ZNF141: variants seen among roughly 807,000 people sequenced by gnomAD.
The protein encoded by ZNF141 is zinc finger protein 141 (clone pHZ-44).
ZNF141 carries 7 observed loss-of-function variants against 11.3 expected under a neutral mutation model. That is an observed-to-expected ratio of 0.62 (90% CI 0.35 to 1.16). ZNF141 has a LOEUF of 1.16. Among genes scored for constraint, ZNF141 ranks in the 50% most tolerant of loss-of-function variants. ZNF141 has a pLI of 0.02. For missense variants in ZNF141, 535 were observed against 554.0 expected (o/e 0.97, Z 0.34); for synonymous variants, 183 against 190.7 (o/e 0.96, Z 0.33).
At chr4:351,136 C>T (rs1553850384) in intron 3 of ZNF141, among the ~76,000 whole-genome samples, 1 of 152,054 alleles carries the variant, frequency 6.6e-6, no homozygotes, top group African/African-American at 2.4e-5. Flanking sequence ...ACTCACTCTC[C>T]CTTTGCTTTG....
intron 1 of ZNF141, among the ~76,000 whole-genome samples, chr4:339,760 GA>G (rs1282781053): frequency 6.6e-6 from 1 of 152,116 alleles, no homozygotes; most frequent in Non-Finnish European, 1.5e-5. Flanking sequence ...CTATTGCTTT[GA>G]AATGTGCATA....
Position 383,816 on chromosome 4 carries a change from C to G in ZNF141, c.*9954C>G, listed in dbSNP as rs1052224. 6.6e-6 allele frequency: 1 copy of G among 152,306 alleles called. No homozygotes were observed. Among genetic ancestry groups the G allele is most frequent in the Non-Finnish European group, 1.5e-5 (1 of 68,126 alleles). The allele number at this position is 152,306 out of a possible 1,614,324, so 9.4% of individuals were successfully genotyped here. On this transcript the variant is annotated 3_prime_UTR_variant, in exon 4 of 4. Transcript: ENST00000240499. The stretch of plus-strand genomic sequence containing the variant: ...CCTCAACCTTTGATTAGCCAAGGAC[C>G]AAATCCTTCATTCAGATAAGGGGTA...
intron 3 of ZNF141, among the ~76,000 whole-genome samples, chr4:360,457 A>G (rs1465975732): frequency 3.3e-5 from 5 of 152,242 alleles, no homozygotes; most frequent in African/African-American, 9.6e-5. Flanking sequence ...CCAGCTCTTC[A>G]TAAGTCACAG....
chr4:345,127 A>G (rs1440795879), intron 3 of ZNF141, among the ~76,000 whole-genome samples: 1 of 152,148 alleles, frequency 6.6e-6, no homozygotes, highest in Non-Finnish European at 1.5e-5. Context: ...AAAATGTGTA[A>G]CGTGAGTAGT....
At chr4:354,404 T>G (rs1336984751) in intron 3 of ZNF141, among the ~76,000 whole-genome samples, 1 of 152,216 alleles carries the variant, frequency 6.6e-6, no homozygotes, top group Non-Finnish European at 1.5e-5. Flanking sequence ...TTATTGTAAA[T>G]GTAAATGCAA....
chr4:338,194 C>T lies in ZNF141; in HGVS notation c.3+208C>T, dbSNP rs932509540. 4 of 552,462 alleles carry T rather than the reference C, an allele frequency of 7.2e-6. No individual in the cohort carries two copies. The East Asian group carries it at 1.1e-4, about 15-fold the overall frequency. The allele number at this position is 552,462 out of a possible 1,614,324, so 34.2% of individuals were successfully genotyped here. On this transcript the variant is annotated intron_variant, in intron 1 of 3. Coordinates refer to ENST00000240499, the MANE Select transcript of ZNF141 (RefSeq NM_003441.4). ...CTGCAGCCCTCCTTGTGCAGCTCTG[C>T]GCCCGCAGCCCCGCACCTTCCCCAG...
intron 3 of ZNF141, among the ~76,000 whole-genome samples, chr4:346,204 C>T (rs1424797347): frequency 2.6e-5 from 4 of 152,050 alleles, no homozygotes; most frequent in Non-Finnish European, 4.4e-5. Context: ...TAAAAGATAA[C>T]GAGTTATGTT....
At chr4:354,468 C>A (rs570484509) in intron 3 of ZNF141, among the ~76,000 whole-genome samples, 1 of 152,282 alleles carries the variant, frequency 6.6e-6, no homozygotes, top group South Asian at 2.1e-4. Flanking sequence ...TATTTACTCT[C>A]CTCCCTTTTC....
chr4:383,536 G>A lies in ZNF141; in HGVS notation c.*9674G>A, dbSNP rs1712757144. The A allele has an allele frequency of 2.2e-5, 4 of 182,730 alleles. 1 individual carries two copies. In the South Asian group the frequency reaches 7.7e-4, roughly 35 times the overall value. 11.3% of individuals were successfully genotyped at this position (182,730 alleles called of 1,614,324 possible). A position where few individuals can be genotyped will look rare whatever the true frequency, so the allele number is the denominator to read the frequency against. On this transcript the variant is annotated 3_prime_UTR_variant, in exon 4 of 4. Transcript: ENST00000240499. ...AGGGTTTGGAGGCAGGGAACTTAAG[G>A]CCAATTCGTGCTGACTTCCTACAAG...
chr4:341,406 C>T (rs1419612850), intron 1 of ZNF141, among the ~76,000 whole-genome samples: 1 of 152,092 alleles, frequency 6.6e-6, no homozygotes, highest in Non-Finnish European at 1.5e-5. Flanking sequence ...TATTCATTGA[C>T]AGAAGAGAAG....
In ZNF141 at chr4:372,706, G is replaced by A; in HGVS notation, c.269G>A (p.Gly90Asp). The A allele has an allele frequency of 6.2e-7, 1 of 1,603,970 alleles. No individual in the cohort carries two copies. Among genetic ancestry groups the A allele is most frequent in the Non-Finnish European group, 8.5e-7 (1 of 1,174,294 alleles). The stretch of plus-strand genomic sequence containing the variant: ...ACCCAAGACCATTGGCCAGTGCAGG[G>A]CATAGAAGATTCATTCCACAAACTT... The part of the protein sequence containing the change: ...HFTQDHWPVQ[G>D]IEDSFHKLIL... Residue 90 changes from glycine to aspartate, a missense_variant, in exon 4 of 4, where the codon GGC becomes GAC. Coordinates refer to ENST00000240499, the MANE Select transcript of ZNF141 (RefSeq NM_003441.4).
chr4:361,310 A>G (rs564110918), intron 3 of ZNF141, among the ~76,000 whole-genome samples: 278 of 117,926 alleles, frequency 2.4e-3, no homozygotes, highest in Non-Finnish European at 3.1e-3. Context: ...TAATTATATA[A>G]TGTCTCTTTT....
chr4:362,776 T>G lies in ZNF141; in HGVS notation c.227-9888T>G, dbSNP rs373178113. Among the ~76,000 whole-genome samples, 8 of 152,356 alleles carry G rather than the reference T, an allele frequency of 5.3e-5. No homozygotes were observed. The East Asian group carries it at 1.4e-3, about 26-fold the overall frequency. On this transcript the variant is annotated intron_variant, in intron 3 of 3. Coordinates refer to ENST00000240499, the MANE Select transcript of ZNF141 (RefSeq NM_003441.4). ...ACCAGTACCATGCTGTTTTGGTTACTGTAGCCTTGTAGCATGATTTGAAGT... is the reference window on the plus strand; with the variant it reads ...ACCAGTACCATGCTGTTTTGGTTACGGTAGCCTTGTAGCATGATTTGAAGT...
rs186776793 is a variant in ZNF141 at position 364,311 on chromosome 4, C to T, written c.227-8353C>T. 5.8e-3 allele frequency among the ~76,000 whole-genome samples: 890 copies of T among 152,246 alleles called. 11 individuals carry two copies. Among genetic ancestry groups the T allele is most frequent in the African/African-American group, 0.019 (805 of 41,532 alleles). Reference sequence around the variant, plus strand: ...CTCTGGTAGAATTCGGCTGTGAATTCATCTGGTCCTGGACTTTTTTTGGTT... The same window carrying T: ...CTCTGGTAGAATTCGGCTGTGAATTTATCTGGTCCTGGACTTTTTTTGGTT... On this transcript the variant is annotated intron_variant, in intron 3 of 3. Transcript: ENST00000240499.
At position 375,216 on chromosome 4, in the gene ZNF141, G is replaced by T. The variant is rs782704864; in HGVS notation, c.*1354G>T. ...CTGTTGAAAGACTTCAGAAAATATA[G>T]GCCTTTAAAGTGAAGAAGAGTATTC... On this transcript the variant is annotated 3_prime_UTR_variant, in exon 4 of 4. Transcript: ENST00000240499. 8.6e-5 allele frequency: 13 copies of T among 151,936 alleles called. No individual in the cohort carries two copies. The highest frequency in any genetic ancestry group is 1.5e-4 in the Non-Finnish European group (10 of 67,948). 9.4% of individuals were successfully genotyped at this position (151,936 alleles called of 1,614,324 possible).
chr4:344,391 T>C lies in ZNF141; in HGVS notation c.187T>C (p.Tyr63His). The C allele has an allele frequency of 6.2e-7, 1 of 1,608,326 alleles. No individual in the cohort carries two copies. Among genetic ancestry groups the C allele is most frequent in the Non-Finnish European group, 8.5e-7 (1 of 1,175,938 alleles). Residue 63 changes from tyrosine (Y) to histidine (H), a missense_variant, in exon 3 of 4, where the codon TAC (tyrosine) becomes CAC (histidine). Transcript: ENST00000240499. ...CTGTCTGGAGCAAAGAAAAGAGCCCTACAATGTGAAGATACATAAGATCGT... is the reference window on the plus strand; with the variant it reads ...CTGTCTGGAGCAAAGAAAAGAGCCCCACAATGTGAAGATACATAAGATCGT... ...VTCLEQRKEP[Y>H]NVKIHKIVAR...
Position 343,500 on chromosome 4 carries a change from C to T in ZNF141, c.4-282C>T, listed in dbSNP as rs563522718. On this transcript the variant is annotated intron_variant, in intron 1 of 3. Transcript: ENST00000240499. The stretch of plus-strand genomic sequence containing the variant: ...CAGCACTGTGGGAGGCCGAGGAGGG[C>T]GGATCACAAGGTCAGGAGATCAAGA... 6.6e-5 allele frequency among the ~76,000 whole-genome samples: 10 copies of T among 151,948 alleles called. No homozygotes were observed. In the East Asian group the frequency reaches 1.2e-3, roughly 18 times the overall value.
At chr4:368,101 TC>T (rs1254857316) in intron 3 of ZNF141, among the ~76,000 whole-genome samples, 1 of 152,230 alleles carries the variant, frequency 6.6e-6, no homozygotes, top group Non-Finnish European at 1.5e-5. Flanking sequence ...TTTATATATC[TC>T]ATGTAAGTTG....
chr4:373,341 A>G lies in ZNF141; in HGVS notation c.904A>G (p.Lys302Glu). The G allele has an allele frequency of 1.2e-6, 2 of 1,614,082 alleles. No homozygotes were observed. The highest frequency in any genetic ancestry group is 1.1e-5 in the South Asian group (1 of 91,068). Residue 302 changes from lysine (K) to glutamate (E), a missense_variant, in exon 4 of 4, where the codon AAG (lysine) becomes GAG (glutamate). Transcript: ENST00000240499. ...FTSSSNFAKH[K>E]RIHTGEKPYK... Reference sequence around the variant, plus strand: ...CTCATCCTCAAACTTTGCCAAACATAAGCGAATTCATACTGGAGAGAAACC... The same window carrying G: ...CTCATCCTCAAACTTTGCCAAACATGAGCGAATTCATACTGGAGAGAAACC...
Sources: gnomAD v4.1 joint callset for allele counts (sites outside exome capture counted in the v4.1 genomes callset) on GRCh38, gnomAD v4.1.1 for gene constraint, MANE v1.5 for transcripts, NCBI Gene and HGNC (gene_info 2026-07-23, HGNC 2026-07-21) for gene names.